Variants in USP2 observed in about 807,000 individuals in gnomAD.
USP2 encodes ubiquitin specific peptidase 2.
Under a neutral mutation model 72.0 loss-of-function variants are expected in USP2, and 33 were observed. That is an observed-to-expected ratio of 0.46 (90% confidence interval 0.35 to 0.61). The LOEUF is 0.61. USP2 is among the 20% of genes least tolerant of loss of function. The pLI is 0.01. For synonymous variants in USP2, 296 were observed against 312.5 expected, an observed-to-expected ratio of 0.95 and a Z score of 0.56; for missense variants, 691 against 797.8, an observed-to-expected ratio of 0.87 and a Z score of 1.61.
intron 2 of USP2, among the ~76,000 whole-genome samples, chr11:119,365,933 C>T (rs1324339131): frequency 3.4e-5 from 5 of 148,584 alleles, no homozygotes; most frequent in Admixed American, 6.7e-5. Context: ...CTTGCTCTGT[C>T]GCCCAGGCTG....
At chr11:119,362,434 A>G (rs1950778549) in intron 2 of USP2, among the ~76,000 whole-genome samples, 1 of 152,028 alleles carries the variant, frequency 6.6e-6, no homozygotes, top group Non-Finnish European at 1.5e-5. Flanking sequence ...GTGGGGGTTG[A>G]TGCCTTTGTC....
At chr11:119,364,235 C>T (rs1371686257) in intron 2 of USP2, 1 of 1,073,050 alleles carries the variant, frequency 9.3e-7, no homozygotes, top group Non-Finnish European at 1.1e-6. Context: ...CCTCGGGCCC[C>T]GCGACGTCAG....
chr11:119,358,767 G>T lies in USP2; in HGVS notation c.1237+6C>A, dbSNP rs1389211964. 6.2e-7 allele frequency: 1 copy of T among 1,613,982 alleles called. No homozygotes were observed. Among genetic ancestry groups the T allele is most frequent in the Non-Finnish European group, 8.5e-7 (1 of 1,179,998 alleles). ...AAAACAGGCATCTTCCCTTTCATGCGCTTACCCCCGATCCTACTGTCTTCC... is the reference window on the plus strand; with the variant it reads ...AAAACAGGCATCTTCCCTTTCATGCTCTTACCCCCGATCCTACTGTCTTCC... On this transcript the variant is annotated splice_donor_region_variant and intron_variant, in intron 7 of 12. Transcript: ENST00000260187.
At chr11:119,362,668 C>G (rs74540290) in intron 2 of USP2, among the ~76,000 whole-genome samples, 1,688 of 152,246 alleles carry the variant, frequency 0.011, 38 homozygotes, top group African/African-American at 0.038. Context: ...TCTTACAGGA[C>G]AAACAATCCT....
chr11:119,381,566 C>T lies in USP2; in HGVS notation c.-135G>A, dbSNP rs1476377096. 5 of 1,535,710 alleles carry T rather than the reference C, an allele frequency of 3.3e-6. No individual in the cohort carries two copies. Among genetic ancestry groups the T allele is most frequent in the Non-Finnish European group, 4.4e-6 (5 of 1,146,580 alleles). On this transcript the variant is annotated 5_prime_UTR_variant, in exon 1 of 13. Transcript: ENST00000260187. ...GGCGCTGGCGCGGCGCAGTGAGCACCAGCTGACGAAGAGGGCTCCCCGGCC... is the reference window on the plus strand; with the variant it reads ...GGCGCTGGCGCGGCGCAGTGAGCACTAGCTGACGAAGAGGGCTCCCCGGCC...
At chr11:119,374,917 C>T (rs1950980756) in intron 1 of USP2, among the ~76,000 whole-genome samples, 1 of 152,168 alleles carries the variant, frequency 6.6e-6, no homozygotes, top group South Asian at 2.1e-4. Context: ...ATAATTCCTA[C>T]CTCACAGGGC....
chr11:119,356,551 C>G lies in USP2; in HGVS notation c.*284G>C. 2.6e-6 allele frequency: 1 copy of G among 388,382 alleles called. No homozygotes were observed. The highest frequency in any genetic ancestry group is 4.6e-6 in the Non-Finnish European group (1 of 216,988). 24.1% of individuals were successfully genotyped at this position (388,382 alleles called of 1,614,324 possible). ...CTTCCCCCCCAAGACACAGTTGTTT[C>G]TGACACATAGGAAGACCACAAGTTT... On this transcript the variant is annotated 3_prime_UTR_variant, in exon 13 of 13. Transcript: ENST00000260187.
At chr11:119,379,071 G>C in intron 1 of USP2, 3 of 985,592 alleles carry the variant, frequency 3.0e-6, no homozygotes, top group Non-Finnish European at 3.6e-6. Flanking sequence ...AGGGAATGCA[G>C]TGGAAAGCCC....
rs1951058486 is a variant in USP2 at position 119,381,526 on chromosome 11, G to A, written c.-95C>T. ...GAACCGGGCACAAGCATGGAGCTGC[G>A]GGTGAGTCCCGGCTGGCGCTGGCGC... On this transcript the variant is annotated 5_prime_UTR_variant, in exon 1 of 13. Coordinates refer to ENST00000260187, the MANE Select transcript of USP2 (RefSeq NM_004205.5). The A allele has an allele frequency of 6.5e-7, 1 of 1,536,026 alleles. No homozygotes were observed. The highest frequency in any genetic ancestry group is 1.4e-5 in the African/African-American group (1 of 73,050).
intron 1 of USP2, among the ~76,000 whole-genome samples, chr11:119,375,157 C>T (rs939788009): frequency 6.6e-6 from 1 of 152,228 alleles, no homozygotes; most frequent in Non-Finnish European, 1.5e-5. Flanking sequence ...AGACATCTGG[C>T]CACTCAGCAG....
chr11:119,373,770 A>T (rs143086154), intron 1 of USP2, among the ~76,000 whole-genome samples: 1 of 152,274 alleles, frequency 6.6e-6, no homozygotes, highest in African/African-American at 2.4e-5. Context: ...AAGTCAGCGC[A>T]TCCTGGCCAT....
At position 119,359,274 on chromosome 11, in the gene USP2, T is replaced by G. The variant is rs1950724497; in HGVS notation, c.1018A>C (p.Lys340Gln). Residue 340 changes from lysine to glutamine, a missense_variant, in exon 5 of 13, where the codon AAG (lysine) becomes CAG (glutamine). Coordinates refer to ENST00000260187, the MANE Select transcript of USP2 (RefSeq NM_004205.5). Reference sequence around the variant, plus strand: ...GGTGCGTATCTCTGGATCTGGGTCTTGAACTCAGATGGGCTCACCACATCA... The same window carrying G: ...GGTGCGTATCTCTGGATCTGGGTCTGGAACTCAGATGGGCTCACCACATCA... The part of the protein sequence containing the change: ...PNDVVSPSEF[K>Q]TQIQRYAPRF... 1 of 1,613,962 alleles carries G rather than the reference T, an allele frequency of 6.2e-7. No individual in the cohort carries two copies. The highest frequency in any genetic ancestry group is 1.3e-5 in the African/African-American group (1 of 74,922).
rs1187459239 is a variant in USP2, at chr11:119,381,563, C to T, written c.-132G>A. On this transcript the variant is annotated 5_prime_UTR_variant, in exon 1 of 13. Coordinates refer to ENST00000260187, the MANE Select transcript of USP2 (RefSeq NM_004205.5). ...GCTGGCGCTGGCGCGGCGCAGTGAGCACCAGCTGACGAAGAGGGCTCCCCG... is the reference window on the plus strand; with the variant it reads ...GCTGGCGCTGGCGCGGCGCAGTGAGTACCAGCTGACGAAGAGGGCTCCCCG... 1 of 1,535,560 alleles carries T rather than the reference C, an allele frequency of 6.5e-7. No individual in the cohort carries two copies. The highest frequency in any genetic ancestry group is 1.4e-5 in the African/African-American group (1 of 73,162).
intron 2 of USP2, among the ~76,000 whole-genome samples, chr11:119,369,373 G>C (rs1207531255): frequency 6.6e-6 from 1 of 151,490 alleles, no homozygotes; most frequent in Non-Finnish European, 1.5e-5. Context: ...TACTGTTAAT[G>C]AGGGAAAGAA....
intron 2 of USP2, among the ~76,000 whole-genome samples, chr11:119,371,027 C>T (rs1950918774): frequency 6.6e-6 from 1 of 152,114 alleles, no homozygotes; most frequent in African/African-American, 2.4e-5. Context: ...GTAGTTTAGT[C>T]TGCGCTGAGG....
intron 2 of USP2, among the ~76,000 whole-genome samples, chr11:119,370,073 G>T (rs1313594304): frequency 6.6e-6 from 1 of 152,184 alleles, no homozygotes; most frequent in Admixed American, 6.5e-5. Context: ...TACTTGGGAG[G>T]CTGACACAGG....
At position 119,358,840 on chromosome 11, in the gene USP2, G is replaced by A. The variant is rs1950715680; in HGVS notation, c.1173-3C>T. The A allele has an allele frequency of 6.2e-7, 1 of 1,613,858 alleles. No homozygotes were observed. The highest frequency in any genetic ancestry group is 1.1e-5 in the South Asian group (1 of 91,086). On this transcript the variant is annotated splice_polypyrimidine_tract_variant and splice_region_variant and intron_variant, in intron 6 of 12. Transcript: ENST00000260187. ...TCTGTCGGCCTTTCTCGTCATCACT[G>A]GGAACCAGAGAGAGACAACAATTGG... is the stretch of plus-strand genomic sequence containing the variant.
chr11:119,374,781 C>T (rs575764091), intron 1 of USP2, among the ~76,000 whole-genome samples: 1 of 152,248 alleles, frequency 6.6e-6, no homozygotes, highest in Admixed American at 6.5e-5. Context: ...TGGAGCAGAG[C>T]CATCCAGGAC....
chr11:119,361,340 T>C (rs990101152), intron 2 of USP2, among the ~76,000 whole-genome samples: 1 of 152,032 alleles, frequency 6.6e-6, no homozygotes. Flanking sequence ...TTTGTCAAGG[T>C]CTCTTGGCTA....
Sources: allele counts gnomAD v4.1 joint callset (sites outside exome capture counted in the v4.1 genomes callset), GRCh38; gene constraint gnomAD v4.1.1; transcripts MANE v1.5; gene names NCBI Gene and HGNC (gene_info 2026-07-23, HGNC 2026-07-21).